C15orf39: variants seen among roughly 807,000 people sequenced by gnomAD.
C15orf39 encodes the protein PRMT2 interacting protein.
A neutral mutation model predicts 53.9 loss-of-function variants in C15orf39; 24 were observed. The observed-to-expected ratio is 0.45, with a 90% CI of 0.32 to 0.63. C15orf39 has a LOEUF of 0.63. Ranked by LOEUF, C15orf39 falls within the 20% of genes least tolerant of loss-of-function variation. The probability of loss-of-function intolerance (pLI) is 0.04; values close to 1 mark genes in which losing one functional copy is unlikely to be tolerated. For synonymous variants in C15orf39, 569 were observed against 576.5 expected (o/e 0.99, Z 0.19); for missense variants, 1,271 against 1,347.9 (o/e 0.94, Z 0.89).
Position 75,206,708 on chromosome 15 carries a change from C to T in C15orf39, c.660C>T (p.Ile220=). ...CQPFLEKYQT[I]HSTGFLASRY... is the part of the protein sequence containing the mutation. ...CCTTCCTGGAGAAATATCAGACCAT[C>T]CACAGCACGGGCTTCCTGGCCTCCA... Residue 220 remains isoleucine, a synonymous_variant, in exon 2 of 3, where the codon ATC becomes ATT. Transcript: ENST00000394987. The T allele has an allele frequency of 6.2e-7, 1 of 1,613,816 alleles. No individual in the cohort carries two copies. Among genetic ancestry groups the T allele is most frequent in the Non-Finnish European group, 8.5e-7 (1 of 1,179,958 alleles).
Position 75,210,959 on chromosome 15 carries a change from G to A in C15orf39, c.2987G>A (p.Ser996Asn). The A allele has an allele frequency of 6.2e-7, 1 of 1,613,344 alleles. No individual in the cohort carries two copies. The highest frequency in any genetic ancestry group is 8.5e-7 in the Non-Finnish European group (1 of 1,180,000). The change falls in exon 3 of 3, where the codon AGC (serine) becomes AAC (asparagine). Residue 996 changes from serine (S) to asparagine (N), a missense_variant. By Grantham distance (46) the Ser-to-Asn change is conservative. Around this residue, in one of 2 missense-constraint regions of C15orf39, gnomAD observed 277 missense variants for 354.1 expected, o/e 0.78. Coordinates refer to ENST00000394987, the MANE Select transcript of C15orf39 (RefSeq NM_015492.5). ...GASPTPATSA[S>N]PPGPTLKARF... Reference sequence around the variant, plus strand: ...TCCCCTACCCCTGCTACCAGTGCCAGCCCACCTGGCCCCACACTGAAGGCC... The same window carrying A: ...TCCCCTACCCCTGCTACCAGTGCCAACCCACCTGGCCCCACACTGAAGGCC...
At chr15:75,202,953 G>A (rs1047142337) in intron 1 of C15orf39, among the ~76,000 whole-genome samples, 3 of 152,240 alleles carry the variant, frequency 2.0e-5, no homozygotes, top group African/African-American at 7.2e-5. Context: ...TATGTTCAGG[G>A]CGGGTAGGGG....
chr15:75,211,026 G>T lies in C15orf39; in HGVS notation c.3054G>T (p.Leu1018=). Residue 1018 remains leucine, a synonymous_variant, in exon 3 of 3, where the codon CTG becomes CTT. Transcript: ENST00000394987. ...SLLETAWLNG[L]ALPTWGHKSS... ...TGGAGACCGCCTGGCTCAATGGCCT[G>T]GCTCTGCCCACCTGGGGCCACAAGT... 1 of 1,610,136 alleles carries T rather than the reference G, an allele frequency of 6.2e-7. No homozygotes were observed.
At position 75,202,076 on chromosome 15, in the gene C15orf39, TCGGCGGGCGCGG is replaced by T. The variant is rs1452541165; in HGVS notation, c.-51+18_-51+29del. 1 of 151,884 alleles carries T rather than the reference TCGGCGGGCGCGG, an allele frequency of 6.6e-6. No homozygotes were observed. Among genetic ancestry groups the T allele is most frequent in the African/African-American group, 2.4e-5 (1 of 41,350 alleles). The allele number at this position is 151,884 out of a possible 1,614,324, so 9.4% of individuals were successfully genotyped here. A position where few individuals can be genotyped will look rare whatever the true frequency, so the allele number is the denominator to read the frequency against. On this transcript the variant is annotated intron_variant, in intron 1 of 2. Coordinates refer to ENST00000394987, the MANE Select transcript of C15orf39 (RefSeq NM_015492.5). Reference sequence around the variant, plus strand: ...GCTCTGCAGGTAGGAGCTCGCCCGCTCGGCGGGCGCGGAAACTTGGGCCGAGTTTGCGGGCGG... The same window carrying T: ...GCTCTGCAGGTAGGAGCTCGCCCGCTAAACTTGGGCCGAGTTTGCGGGCGG...
At chr15:75,204,027 G>T (rs2070421771) in intron 1 of C15orf39, among the ~76,000 whole-genome samples, 1 of 152,144 alleles carries the variant, frequency 6.6e-6, no homozygotes, top group African/African-American at 2.4e-5. Context: ...GGTGGAAGTG[G>T]GCATTGGCCC....
Position 75,211,052 on chromosome 15 carries a change from C to T in C15orf39, c.3080C>T (p.Ser1027Phe), listed in dbSNP as rs1399236246. Residue 1027 changes from serine (S) to phenylalanine (F), a missense_variant, in exon 3 of 3, where the codon TCC becomes TTC. Physicochemically the swap from Ser to Phe is radical, Grantham distance 155. Coordinates refer to ENST00000394987, the MANE Select transcript of C15orf39 (RefSeq NM_015492.5). ...GLALPTWGHK[S>F]SRPDQPSPCP... ...GCTCTGCCCACCTGGGGCCACAAGTCCTCAAGACCAGACCAGCCCTCACCC... is the reference window on the plus strand; with the variant it reads ...GCTCTGCCCACCTGGGGCCACAAGTTCTCAAGACCAGACCAGCCCTCACCC... 2 of 1,606,244 alleles carry T rather than the reference C, an allele frequency of 1.2e-6. No homozygotes were observed. The highest frequency in any genetic ancestry group is 1.1e-5 in the South Asian group (1 of 91,076).
Position 75,205,791 on chromosome 15 carries a change from G to A in C15orf39, c.-50-208G>A, listed in dbSNP as rs186966487. Among the ~76,000 whole-genome samples, 166 of 152,154 alleles carry A rather than the reference G, an allele frequency of 1.1e-3. 12 individuals carry two copies. The highest frequency in any genetic ancestry group is 9.5e-3 in the East Asian group (49 of 5,160). ...AGTTCATGTCATTGCACTCCAGCCC[G>A]GGCAACAGAGTGAGACCCTGCCTCA... is the stretch of plus-strand genomic sequence containing the variant. On this transcript the variant is annotated intron_variant, in intron 1 of 2. Transcript: ENST00000394987.
In C15orf39 at chr15:75,212,163, T is replaced by G. The variant is rs1426101353; in HGVS notation, c.*1047T>G. On this transcript the variant is annotated 3_prime_UTR_variant, in exon 3 of 3. Transcript: ENST00000394987. ...AGCCCATTAAAGCATCTGGCTCGTTTTTGGAAGTGGGGCCTGTCCGTGTGT... is the reference window on the plus strand; with the variant it reads ...AGCCCATTAAAGCATCTGGCTCGTTGTTGGAAGTGGGGCCTGTCCGTGTGT... 6.6e-6 allele frequency: 1 copy of G among 152,336 alleles called. No individual in the cohort carries two copies. Among genetic ancestry groups the G allele is most frequent in the Non-Finnish European group, 1.5e-5 (1 of 68,118 alleles). The allele number at this position is 152,336 out of a possible 1,614,324, so 9.4% of individuals were successfully genotyped here.
Position 75,207,753 on chromosome 15 carries a change from A to C in C15orf39, c.1705A>C (p.Lys569Gln). Reference sequence around the variant, plus strand: ...GAGTAAACCCCTAAGGGGCTCACTTAAGGAGGAGGTAGCCCTGGATTTGAG... The same window carrying C: ...GAGTAAACCCCTAAGGGGCTCACTTCAGGAGGAGGTAGCCCTGGATTTGAG... ...SGSKPLRGSL[K>Q]EEVALDLSVR... Residue 569 changes from lysine to glutamine, a missense_variant, in exon 2 of 3, where the codon AAG becomes CAG. Around this residue, in one of 2 missense-constraint regions of C15orf39, gnomAD observed 994 missense variants for 993.7 expected, o/e 1.00. Transcript: ENST00000394987. 1 of 1,609,354 alleles carries C rather than the reference A, an allele frequency of 6.2e-7. No individual in the cohort carries two copies. Among genetic ancestry groups the C allele is most frequent in the African/African-American group, 1.3e-5 (1 of 74,868 alleles).
upstream of C15orf39, among the ~76,000 whole-genome samples, chr15:75,200,471 G>A (rs1482309345): frequency 1.3e-5 from 2 of 152,194 alleles, no homozygotes; most frequent in African/African-American, 4.8e-5. Context: ...CACCCCACTA[G>A]CAGGGCAGGG....
chr15:75,200,590 A>G (rs923060218), upstream of C15orf39, among the ~76,000 whole-genome samples: 6 of 152,072 alleles, frequency 3.9e-5, no homozygotes, highest in Non-Finnish European at 7.4e-5. Context: ...GGTTAAGGGT[A>G]TGATGTTTGG....
rs143423812 is a variant in C15orf39 at position 75,208,625 on chromosome 15, C to T, written c.2577C>T (p.Pro859=). Residue 859 remains proline, a synonymous_variant, in exon 2 of 3, where the codon CCC becomes CCT. Coordinates refer to ENST00000394987, the MANE Select transcript of C15orf39 (RefSeq NM_015492.5). ...AGCGGCTCTTCCCTCGGCTGCCACCCGCTTCTGTGGACCATGTGCTGCAGG... is the reference window on the plus strand; with the variant it reads ...AGCGGCTCTTCCCTCGGCTGCCACCTGCTTCTGTGGACCATGTGCTGCAGG... ...VKERLFPRLP[P]ASVDHVLQEH... 952 of 1,594,938 alleles carry T rather than the reference C, an allele frequency of 6.0e-4. 10 individuals carry two copies. Among genetic ancestry groups the T allele is most frequent in the South Asian group, 5.9e-3 (523 of 88,740 alleles).
intron 1 of C15orf39, among the ~76,000 whole-genome samples, chr15:75,202,950 A>C (rs974157950): frequency 6.6e-6 from 1 of 152,160 alleles, no homozygotes. Context: ...AGTTATGTTC[A>C]GGGCGGGTAG....
rs774670548 is a variant in C15orf39 at position 75,207,193 on chromosome 15, G to A, written c.1145G>A (p.Arg382Gln). 33 of 1,613,678 alleles carry A rather than the reference G, an allele frequency of 2.0e-5. No individual in the cohort carries two copies. The highest frequency in any genetic ancestry group is 2.8e-5 in the Non-Finnish European group (33 of 1,180,010). Residue 382 changes from arginine (R) to glutamine (Q), a missense_variant, in exon 2 of 3, where the codon CGG becomes CAG. This residue lies in a region of C15orf39 where 994 missense variants were observed against 993.7 expected (regional missense o/e 1.00). Coordinates refer to ENST00000394987, the MANE Select transcript of C15orf39 (RefSeq NM_015492.5). Reference sequence around the variant, plus strand: ...CAGACACTGAGTTTTCCTTATGCCCGGGATGACCTCTCTCTCTATGGAGCA... The same window carrying A: ...CAGACACTGAGTTTTCCTTATGCCCAGGATGACCTCTCTCTCTATGGAGCA... Reference protein sequence around the residue: ...APQTLSFPYARDDLSLYGASP... With the variant: ...APQTLSFPYAQDDLSLYGASP...
chr15:75,206,085 G>A lies in C15orf39; in HGVS notation c.37G>A (p.Val13Met). The A allele has an allele frequency of 6.2e-7, 1 of 1,612,196 alleles. No homozygotes were observed. The highest frequency in any genetic ancestry group is 8.5e-7 in the Non-Finnish European group (1 of 1,179,206). Reference protein sequence around the residue: ...EKRPLRTLGPVMYGKLPRLET... With the variant: ...EKRPLRTLGPMMYGKLPRLET... ...GCGACCCCTGAGAACCCTGGGGCCT[G>A]TGATGTATGGCAAGCTGCCCCGCTT... The change falls in exon 2 of 3, where the codon GTG becomes ATG. Residue 13 changes from valine (V) to methionine (M), a missense_variant. By Grantham distance (21) the Val-to-Met change is conservative. Transcript: ENST00000394987.
Position 75,211,019 on chromosome 15 carries a change from A to G in C15orf39, c.3047A>G (p.Asn1016Ser), listed in dbSNP as rs769013535. The G allele has an allele frequency of 3.1e-6, 5 of 1,611,024 alleles. No individual in the cohort carries two copies. The highest frequency in any genetic ancestry group is 2.5e-6 in the Non-Finnish European group (3 of 1,180,002). Residue 1016 changes from asparagine (N) to serine (S), a missense_variant, in exon 3 of 3, where the codon AAT becomes AGT. Physicochemically the swap from Asn to Ser is conservative, Grantham distance 46. Transcript: ENST00000394987. ...AGTCTGCTGGAGACCGCCTGGCTCA[A>G]TGGCCTGGCTCTGCCCACCTGGGGC... ...FRSLLETAWL[N>S]GLALPTWGHK...
intron 2 of C15orf39, among the ~76,000 whole-genome samples, chr15:75,209,883 C>G (rs1263716635): frequency 6.6e-6 from 1 of 152,178 alleles, no homozygotes; most frequent in African/African-American, 2.4e-5. Flanking sequence ...GCTGGCTGAC[C>G]AGAATCCCTG....
intron 1 of C15orf39, among the ~76,000 whole-genome samples, chr15:75,205,722 G>C (rs1372519795): frequency 2.0e-5 from 3 of 152,078 alleles, no homozygotes; most frequent in African/African-American, 7.2e-5. Flanking sequence ...CCTGGGAGTT[G>C]GGAGAATCAC....
rs556739603 is a variant in C15orf39, at chr15:75,207,621, ACTGAGCCTGACTCTGCCACAG to A, written c.1587_1607del (p.Thr531_Ala537del). 2.4e-4 allele frequency: 389 copies of A among 1,613,118 alleles called. 2 individuals carry two copies. The African/African-American group carries it at 3.9e-3, about 16-fold the overall frequency. ...GGATGTGCCGGCACCCGAGGCCACA[ACTGAGCCTGACTCTGCCACAG>A]CTGAGCCTGACTCAGCCCCAGCCAC... On this transcript the variant is annotated inframe_deletion, in exon 2 of 3. Transcript: ENST00000394987.
Sources: allele counts gnomAD v4.1 joint callset (sites outside exome capture counted in the v4.1 genomes callset), GRCh38; gene constraint gnomAD v4.1.1; regional missense constraint gnomAD v4.1.1; transcripts MANE v1.5; gene names NCBI Gene and HGNC (gene_info 2026-07-23, HGNC 2026-07-21).